Variants in DOCK2 observed in about 807,000 individuals in gnomAD.
DOCK2 encodes the protein dedicator of cytokinesis protein 2.
In DOCK2, 87 loss-of-function variants were observed where a neutral mutation model predicts 248.9. The observed-to-expected ratio is 0.35, with a 90% confidence interval of 0.29 to 0.42. The LOEUF (loss-of-function observed/expected upper bound fraction) is 0.42, where lower values mean the gene tolerates loss of function less well. Ranked by LOEUF, DOCK2 falls within the 10% of genes least tolerant of loss-of-function variation. The pLI is 1.00. For missense variants in DOCK2, 1,747 were observed against 2,300.2 expected (o/e 0.76, Z 4.92); for synonymous variants, 805 against 821.6 (o/e 0.98, Z 0.35).
intron 43 of DOCK2, 23 bp downstream of exon 43, chr5:170,056,791 A>G (rs1160410582): frequency 5.6e-6 from 9 of 1,608,984 alleles, no homozygotes; most frequent in Non-Finnish European, 7.7e-6. Context: ...CCTACCCTTG[A>G]TCATTCCCTG....
At chr5:169,823,146 A>G (rs1390038989) in intron 26 of DOCK2, among the ~76,000 whole-genome samples, 1 of 152,200 alleles carries the variant, frequency 6.6e-6, no homozygotes, top group Non-Finnish European at 1.5e-5. Context: ...CCAGCCAAAA[A>G]AAGTCCAGGA....
chr5:169,793,008 CTATT>C (rs1450572475), intron 25 of DOCK2, among the ~76,000 whole-genome samples: 1 of 152,132 alleles, frequency 6.6e-6, no homozygotes, highest in East Asian at 1.9e-4. Flanking sequence ...TCAGAACACA[CTATT>C]TATGTCCTAG....
chr5:169,717,540 A>T, intron 21 of DOCK2, 56 bp downstream of exon 21: 2 of 1,502,972 alleles, frequency 1.3e-6, no homozygotes, highest in Non-Finnish European at 1.9e-6. Context: ...CCCTGCCAGG[A>T]TGCCTAGGGC....
At position 170,019,040 on chromosome 5, in the gene DOCK2, A is replaced by G. The variant is rs1411014741; in HGVS notation, c.3313A>G (p.Lys1105Glu). ...ACTTATCCCTGAGGCTGAGCTCCGGAAAGCCACCATACCAATCTTCTTCGA... is the reference window on the plus strand; with the variant it reads ...ACTTATCCCTGAGGCTGAGCTCCGGGAAGCCACCATACCAATCTTCTTCGA... ...MTLIPEAELR[K>E]ATIPIFFDMM... is the part of the protein sequence containing the mutation. The change falls in exon 33 of 52, where the codon AAA (lysine) becomes GAA (glutamate). Residue 1105 changes from lysine (K) to glutamate (E), a missense_variant. Lys to Glu is a moderately conservative substitution (Grantham distance 56). Transcript: ENST00000520908. The G allele has an allele frequency of 1.9e-6, 3 of 1,614,116 alleles. No homozygotes were observed. In the East Asian group the frequency reaches 6.7e-5, roughly 36 times the overall value.
chr5:169,889,531 T>C (rs774222099), intron 27 of DOCK2, among the ~76,000 whole-genome samples: 1 of 152,178 alleles, frequency 6.6e-6, no homozygotes, highest in Non-Finnish European at 1.5e-5. Context: ...TAGAGGAAGG[T>C]ATCTGATTCA....
intron 25 of DOCK2, among the ~76,000 whole-genome samples, chr5:169,769,565 A>G (rs1764973460): frequency 6.6e-6 from 1 of 152,260 alleles, no homozygotes; most frequent in Non-Finnish European, 1.5e-5. Context: ...AAAACAACGC[A>G]TCTAACCTCA....
chr5:169,910,796 G>A (rs1031881274), intron 27 of DOCK2, among the ~76,000 whole-genome samples: 2 of 152,224 alleles, frequency 1.3e-5, no homozygotes, highest in African/African-American at 4.8e-5. Flanking sequence ...AATGGCAGGT[G>A]CCCCTTCTGC....
chr5:169,933,822 G>T (rs1229924301), intron 27 of DOCK2, among the ~76,000 whole-genome samples: 2 of 152,184 alleles, frequency 1.3e-5, no homozygotes, highest in African/African-American at 4.8e-5. Flanking sequence ...GGGAATGCAT[G>T]AGGGGTGGCT....
chr5:169,929,761 A>C (rs1055354075), intron 27 of DOCK2, among the ~76,000 whole-genome samples: 1 of 149,516 alleles, frequency 6.7e-6, no homozygotes, highest in African/African-American at 2.5e-5. Context: ...AAAAAAAAAA[A>C]AGAGAGAGAG....
intron 25 of DOCK2, among the ~76,000 whole-genome samples, chr5:169,793,120 C>T (rs1273492482): frequency 6.6e-6 from 1 of 152,148 alleles, no homozygotes; most frequent in Non-Finnish European, 1.5e-5. Context: ...CAGTTGAGGC[C>T]AGGAAATGGT....
chr5:169,877,646 T>A (rs981600801), intron 27 of DOCK2, among the ~76,000 whole-genome samples: 1 of 151,964 alleles, frequency 6.6e-6, no homozygotes, highest in Non-Finnish European at 1.5e-5. Context: ...ATGTAGTTGC[T>A]TGAAAATTTT....
Position 169,712,208 on chromosome 5 carries a change from C to T in DOCK2, c.1644C>T (p.Asp548=), listed in dbSNP as rs756478191. Residue 548 remains aspartate, a synonymous_variant, in exon 17 of 52, where the codon GAC becomes GAT. Transcript: ENST00000520908. Reference sequence around the variant, plus strand: ...CTACTCTACACGATGGATTCCATGACTTAGTTGTCCTCAAGGTACCATGAG... The same window carrying T: ...CTACTCTACACGATGGATTCCATGATTTAGTTGTCCTCAAGGTACCATGAG... ...DGTTLHDGFH[D]LVVLKGDSKK... is the part of the protein sequence containing the mutation. The T allele has an allele frequency of 1.9e-6, 3 of 1,613,878 alleles. No homozygotes were observed. Among genetic ancestry groups the T allele is most frequent in the South Asian group, 1.1e-5 (1 of 91,088 alleles).
chr5:169,993,717 C>T (rs1445549294), intron 29 of DOCK2, among the ~76,000 whole-genome samples: 1 of 152,192 alleles, frequency 6.6e-6, no homozygotes, highest in East Asian at 1.9e-4. Context: ...TTGGACCACC[C>T]AAAATCCACT....
intron 26 of DOCK2, among the ~76,000 whole-genome samples, chr5:169,818,511 A>G (rs75515299): frequency 0.011 from 1,696 of 152,310 alleles, 32 homozygotes; most frequent in African/African-American, 0.039. Context: ...TTATCTCTCC[A>G]TGTTTTGTTA....
chr5:169,669,622 A>G (rs567312299), intron 3 of DOCK2, among the ~76,000 whole-genome samples: 2 of 152,216 alleles, frequency 1.3e-5, no homozygotes, highest in East Asian at 3.9e-4. Context: ...TGTGCGTTAT[A>G]AATTTGAAAT....
intron 26 of DOCK2, among the ~76,000 whole-genome samples, chr5:169,823,469 C>T (rs1043244885): frequency 2.4e-4 from 37 of 152,188 alleles, no homozygotes; most frequent in African/African-American, 6.7e-4. Context: ...GTTCAATATA[C>T]GCAAGTCAAT....
chr5:170,034,320 C>T (rs1756244953), intron 34 of DOCK2, 79 bp from the exon 35 acceptor site: 3 of 1,554,280 alleles, frequency 1.9e-6, no homozygotes, highest in South Asian at 1.2e-5. Flanking sequence ...TTTGCATGTG[C>T]TCCATCCCAC....
chr5:169,822,241 T>G (rs559316849), intron 26 of DOCK2, among the ~76,000 whole-genome samples: 17 of 152,298 alleles, frequency 1.1e-4, no homozygotes, highest in Non-Finnish European at 1.6e-4. Flanking sequence ...TATCCAGGAA[T>G]TGAACTCAGC....
chr5:169,664,113 A>G (rs1249980813), intron 2 of DOCK2, among the ~76,000 whole-genome samples: 1 of 152,262 alleles, frequency 6.6e-6, no homozygotes, highest in Non-Finnish European at 1.5e-5. Context: ...TTAGAAATTT[A>G]TTCTGCCAGA....
Sources: gnomAD v4.1 joint callset for allele counts (sites outside exome capture counted in the v4.1 genomes callset) on GRCh38, gnomAD v4.1.1 for gene constraint, MANE v1.5 for transcripts, NCBI Gene and HGNC (gene_info 2026-07-23, HGNC 2026-07-21) for gene names.